Variants in CDH12 observed in about 807,000 individuals in gnomAD.
CDH12 encodes the protein cadherin 12.
In CDH12, 41 loss-of-function variants were observed where a neutral mutation model predicts 74.1. The observed-to-expected ratio is 0.55, with a 90% CI of 0.43 to 0.72. CDH12 has a LOEUF of 0.72. Among genes scored for constraint, CDH12 ranks in the 30% least tolerant of loss-of-function variants. CDH12 has a pLI of 0.00. For missense variants in CDH12, 945 were observed against 977.2 expected (o/e 0.97, Z 0.44); for synonymous variants, 399 against 355.0 (o/e 1.12, Z -1.39).
chr5:22,346,061 G>A (rs970347184), intron 3 of CDH12, among the ~76,000 whole-genome samples: 1 of 143,788 alleles, frequency 7.0e-6, no homozygotes, highest in Non-Finnish European at 1.5e-5. Context: ...AGCCGAAGTC[G>A]CACCATTGTA....
intron 2 of CDH12, among the ~76,000 whole-genome samples, chr5:22,452,691 A>C (rs1320420577): frequency 6.6e-6 from 1 of 151,746 alleles, no homozygotes; most frequent in Non-Finnish European, 1.5e-5. Flanking sequence ...GAACTCAAAA[A>C]CACCAGCAAC....
intron 6 of CDH12, among the ~76,000 whole-genome samples, chr5:21,946,987 G>A (rs1198001596): frequency 6.6e-6 from 1 of 152,158 alleles, no homozygotes; most frequent in African/African-American, 2.4e-5. Flanking sequence ...ATGATAGTGA[G>A]TAAGTTTTCA....
intron 1 of CDH12, among the ~76,000 whole-genome samples, chr5:22,848,396 A>G (rs1308951250): frequency 3.3e-5 from 5 of 152,152 alleles, no homozygotes; most frequent in Non-Finnish European, 2.9e-5. Flanking sequence ...TTAATAGCCT[A>G]TTCTTTCCTT....
At chr5:22,398,923 G>C (rs1006599261) in intron 3 of CDH12, among the ~76,000 whole-genome samples, 1 of 151,962 alleles carries the variant, frequency 6.6e-6, no homozygotes, top group African/African-American at 2.4e-5. Context: ...CTATGTGCAG[G>C]GTACGTTTGG....
chr5:21,842,325 A>G lies in CDH12; in HGVS notation c.650T>C (p.Val217Ala), dbSNP rs1487069434. The change falls in exon 8 of 15, where the codon GTT becomes GCT. Residue 217 changes from valine to alanine, a missense_variant. Transcript: ENST00000382254. ...PYFSIDPKTG[V>A]IRTALPNMDR... ...CATGTTTGGCAAAGCTGTTCTAATA[A>G]CACCTTAAGGGATAAAAGCAATAAT... 2 of 1,601,620 alleles carry G rather than the reference A, an allele frequency of 1.2e-6. No homozygotes were observed. Among genetic ancestry groups the G allele is most frequent in the Admixed American group, 1.7e-5 (1 of 58,030 alleles).
chr5:22,208,133 TAC>T (rs549757230), intron 4 of CDH12, among the ~76,000 whole-genome samples: 46 of 152,306 alleles, frequency 3.0e-4, no homozygotes, highest in African/African-American at 1.1e-3. Flanking sequence ...CTAGAACACG[TAC>T]AGCCACTAAA....
intron 3 of CDH12, among the ~76,000 whole-genome samples, chr5:22,246,776 A>G (rs1482215454): frequency 6.6e-6 from 1 of 152,162 alleles, no homozygotes; most frequent in Non-Finnish European, 1.5e-5. Context: ...CAGGTTTTCA[A>G]ATGAAAGTAT....
At position 21,813,973 on chromosome 5, in the gene CDH12, T is replaced by C. The variant is rs539143459; in HGVS notation, c.1002+2972A>G. Among the ~76,000 whole-genome samples, 16 of 152,260 alleles carry C rather than the reference T, an allele frequency of 1.1e-4. 1 individual carries two copies. The South Asian group carries it at 3.3e-3, about 32-fold the overall frequency. ...CTGAGTATGAGTGCAGGCAGTGTGT[T>C]TGTTGAGTTCACTGCCCTATCTCCA... On this transcript the variant is annotated intron_variant, in intron 9 of 14. Coordinates refer to ENST00000382254, the MANE Select transcript of CDH12 (RefSeq NM_004061.5).
intron 7 of CDH12, among the ~76,000 whole-genome samples, chr5:21,844,320 A>T (rs2149989237): frequency 6.6e-6 from 1 of 151,502 alleles, no homozygotes; most frequent in South Asian, 2.1e-4. Flanking sequence ...TTAAATTTGG[A>T]GTTTGGCTTA....
intron 5 of CDH12, among the ~76,000 whole-genome samples, chr5:21,996,007 G>T (rs1736268743): frequency 6.6e-6 from 1 of 151,534 alleles, no homozygotes; most frequent in Non-Finnish European, 1.5e-5. Flanking sequence ...AGTACACGTT[G>T]GTGCTAATGA....
chr5:21,808,787 T>A (rs909740993), intron 9 of CDH12, among the ~76,000 whole-genome samples: 1 of 152,108 alleles, frequency 6.6e-6, no homozygotes, highest in Non-Finnish European at 1.5e-5. Context: ...CTCATCATCA[T>A]TGACAAAAGG....
At chr5:21,941,813 T>C (rs1010137195) in intron 6 of CDH12, among the ~76,000 whole-genome samples, 1 of 152,106 alleles carries the variant, frequency 6.6e-6, no homozygotes, top group African/African-American at 2.4e-5. Flanking sequence ...GCTGACTTTT[T>C]TTTTTCCCAA....
chr5:22,710,522 G>T (rs1743233174), intron 1 of CDH12, among the ~76,000 whole-genome samples: 1 of 152,124 alleles, frequency 6.6e-6, no homozygotes, highest in Admixed American at 6.5e-5. Context: ...TTTTTGAAAA[G>T]TTGCTTCATA....
At chr5:21,981,257 T>A (rs919146454) in intron 5 of CDH12, among the ~76,000 whole-genome samples, 3 of 139,712 alleles carry the variant, frequency 2.1e-5, no homozygotes, top group Admixed American at 1.4e-4. Flanking sequence ...AAATTTCAGT[T>A]CACTCAGAAT....
intron 4 of CDH12, among the ~76,000 whole-genome samples, chr5:22,100,016 C>A (rs564790434): frequency 6.6e-6 from 1 of 152,088 alleles, no homozygotes; most frequent in African/African-American, 2.4e-5. Flanking sequence ...CCCCTAATGC[C>A]GCTCGAAGCA....
At chr5:22,678,050 G>GGGC (rs1561571440) in intron 1 of CDH12, among the ~76,000 whole-genome samples, 5 of 151,308 alleles carry the variant, frequency 3.3e-5, no homozygotes, top group African/African-American at 9.7e-5. Context: ...CTCATGGGGG[G>GGGC]GGGGGTTAGG....
At chr5:22,735,800 G>T (rs1561612220) in intron 1 of CDH12, among the ~76,000 whole-genome samples, 2 of 151,818 alleles carry the variant, frequency 1.3e-5, no homozygotes, top group Non-Finnish European at 2.9e-5. Flanking sequence ...CTCAAAAAAT[G>T]AGTGTTTACT....
intron 1 of CDH12, among the ~76,000 whole-genome samples, chr5:22,587,204 A>C (rs1740448350): frequency 6.6e-6 from 1 of 151,944 alleles, no homozygotes; most frequent in Admixed American, 6.6e-5. Flanking sequence ...TAATGCTGTT[A>C]TTGCAGGAGT....
chr5:22,789,008 C>T (rs932647096), intron 1 of CDH12, among the ~76,000 whole-genome samples: 6 of 151,778 alleles, frequency 4.0e-5, no homozygotes, highest in South Asian at 2.1e-4. Context: ...CTACATCTTG[C>T]GTGTGTATGT....
Sources: gnomAD v4.1 joint callset for allele counts (sites outside exome capture counted in the v4.1 genomes callset) on GRCh38, gnomAD v4.1.1 for gene constraint, MANE v1.5 for transcripts, NCBI Gene and HGNC (gene_info 2026-07-23, HGNC 2026-07-21) for gene names.